The following MMP16 variants were observed in gnomAD, a reference collection of about 807,000 sequenced individuals.
MMP16 encodes matrix metallopeptidase 16.
Under a neutral mutation model 67.8 loss-of-function variants are expected in MMP16, and 12 were observed. That is an observed-to-expected ratio of 0.18 (90% CI 0.11 to 0.29). The LOEUF is 0.29. Ranked by LOEUF, MMP16 falls within the 10% of genes least tolerant of loss-of-function variation. The pLI, the probability that MMP16 is intolerant of heterozygous loss-of-function variation, is 1.00. For synonymous variants in MMP16, 249 were observed against 255.9 expected (o/e 0.97, Z 0.26); for missense variants, 475 against 765.7 (o/e 0.62, Z 4.48).
intron 6 of MMP16, among the ~76,000 whole-genome samples, chr8:88,108,579 C>T (rs1314208304): frequency 2.6e-5 from 4 of 151,182 alleles, no homozygotes; most frequent in Non-Finnish European, 4.4e-5. Context: ...ACTGAAAAAT[C>T]AATTGTGGTA....
intron 6 of MMP16, among the ~76,000 whole-genome samples, chr8:88,098,947 T>A (rs961223073): frequency 3.3e-5 from 5 of 151,846 alleles, no homozygotes; most frequent in Non-Finnish European, 1.5e-5. Context: ...TACACTGAGT[T>A]ATTTGCCTAA....
At chr8:88,057,933 C>T (rs1808351611) in intron 7 of MMP16, among the ~76,000 whole-genome samples, 1 of 151,978 alleles carries the variant, frequency 6.6e-6, no homozygotes, top group Non-Finnish European at 1.5e-5. Context: ...ACATATATAA[C>T]TTCAGTAATT....
intron 1 of MMP16, among the ~76,000 whole-genome samples, chr8:88,271,078 G>A (rs1301249844): frequency 6.6e-6 from 1 of 152,130 alleles, no homozygotes; most frequent in Non-Finnish European, 1.5e-5. Context: ...TTAGAGTATG[G>A]TTTAAATCCA....
At chr8:88,226,350 G>GCTATCACTTATTAAAACTGA (rs1167935049) in intron 1 of MMP16, among the ~76,000 whole-genome samples, 2 of 151,816 alleles carry the variant, frequency 1.3e-5, no homozygotes, top group Non-Finnish European at 2.9e-5. Context: ...TATATTCCAG[G>GCTATCACTTATTAAAACTGA]CTACATTCTA....
chr8:88,078,654 C>T (rs62525891), intron 6 of MMP16, among the ~76,000 whole-genome samples: 23,304 of 152,018 alleles, frequency 0.15, 1,951 homozygotes, highest in Middle Eastern at 0.18. Flanking sequence ...CTCCGCCAGC[C>T]TGGGTGATAG....
intron 1 of MMP16, among the ~76,000 whole-genome samples, chr8:88,279,829 C>A (rs1383482852): frequency 2.0e-5 from 3 of 152,106 alleles, no homozygotes; most frequent in Admixed American, 6.5e-5. Context: ...TATGCAGCAG[C>A]CTTCAGTGAA....
chr8:88,252,666 G>T (rs1293156556), intron 1 of MMP16, among the ~76,000 whole-genome samples: 4 of 142,988 alleles, frequency 2.8e-5, no homozygotes, highest in Non-Finnish European at 6.1e-5. Flanking sequence ...AAAAAGGAAA[G>T]AAATTTAACC....
At chr8:88,299,761 C>A (rs1055040681) in intron 1 of MMP16, among the ~76,000 whole-genome samples, 1 of 152,118 alleles carries the variant, frequency 6.6e-6, no homozygotes, top group African/African-American at 2.4e-5. Flanking sequence ...TTCTTATCTG[C>A]AAAATCATTC....
At chr8:88,135,700 C>G (rs571796631) in intron 4 of MMP16, among the ~76,000 whole-genome samples, 3 of 151,860 alleles carry the variant, frequency 2.0e-5, no homozygotes, top group African/African-American at 7.2e-5. Context: ...GACAAATTAA[C>G]AAACCAAACA....
chr8:88,242,975 G>A (rs1166857526), intron 1 of MMP16, among the ~76,000 whole-genome samples: 1 of 152,098 alleles, frequency 6.6e-6, no homozygotes, highest in African/African-American at 2.4e-5. Flanking sequence ...TATTTGGAAA[G>A]TGATGGTAAA....
chr8:88,086,744 T>C (rs1474768662), intron 6 of MMP16, among the ~76,000 whole-genome samples: 1 of 151,922 alleles, frequency 6.6e-6, no homozygotes, highest in East Asian at 1.9e-4. Context: ...AATTTAGTTT[T>C]TTCACCACCC....
intron 6 of MMP16, among the ~76,000 whole-genome samples, chr8:88,095,384 T>C (rs1380704896): frequency 6.6e-6 from 1 of 151,710 alleles, no homozygotes; most frequent in Non-Finnish European, 1.5e-5. Context: ...TCTCTGACTT[T>C]GGTCTTCTAT....
chr8:88,192,875 A>G (rs1444214178), intron 2 of MMP16, among the ~76,000 whole-genome samples: 1 of 152,178 alleles, frequency 6.6e-6, no homozygotes, highest in African/African-American at 2.4e-5. Context: ...CCCCAGTTAA[A>G]CAAACTTTTA....
intron 4 of MMP16, among the ~76,000 whole-genome samples, chr8:88,122,102 C>T (rs1175228558): frequency 1.3e-5 from 2 of 152,002 alleles, no homozygotes; most frequent in East Asian, 1.9e-4. Flanking sequence ...TCTCATTGCA[C>T]TGCTTACATT....
At chr8:88,248,313 T>C (rs1261302148) in intron 1 of MMP16, among the ~76,000 whole-genome samples, 1 of 152,054 alleles carries the variant, frequency 6.6e-6, no homozygotes, top group East Asian at 1.9e-4. Context: ...TGTACAACTG[T>C]AGATAATAAA....
At chr8:88,088,628 C>A (rs1207546731) in intron 6 of MMP16, among the ~76,000 whole-genome samples, 1 of 152,044 alleles carries the variant, frequency 6.6e-6, no homozygotes, top group Non-Finnish European at 1.5e-5. Flanking sequence ...ATTACCATTA[C>A]CTAATTGCTT....
intron 1 of MMP16, among the ~76,000 whole-genome samples, chr8:88,201,350 T>C (rs527901717): frequency 4.9e-4 from 75 of 152,104 alleles, no homozygotes; most frequent in African/African-American, 1.7e-3. Context: ...TTATTTCAGG[T>C]TATTTCAAGT....
intron 1 of MMP16, among the ~76,000 whole-genome samples, chr8:88,220,794 C>T (rs924429682): frequency 1.3e-5 from 2 of 152,060 alleles, no homozygotes; most frequent in Non-Finnish European, 2.9e-5. Flanking sequence ...AACTATTGTC[C>T]AGCGTCTTAC....
intron 4 of MMP16, among the ~76,000 whole-genome samples, chr8:88,154,183 G>T (rs1808463824): frequency 8.8e-6 from 1 of 113,954 alleles, no homozygotes; most frequent in African/African-American, 3.5e-5. Flanking sequence ...TCTCACACCA[G>T]TTAGAATGGC....
Sources: allele counts gnomAD v4.1 joint callset (sites outside exome capture counted in the v4.1 genomes callset), GRCh38; gene constraint gnomAD v4.1.1; transcripts MANE v1.5; gene names NCBI Gene and HGNC (gene_info 2026-07-23, HGNC 2026-07-21).